The following PIGH variants were observed in gnomAD, a reference collection of about 807,000 sequenced individuals.
The protein encoded by PIGH is phosphatidylinositol glycan anchor biosynthesis class H.
Under a neutral mutation model 20.1 loss-of-function variants are expected in PIGH, and 11 were observed. The ratio of observed to expected loss-of-function variants is 0.55; its 90% CI spans 0.34 to 0.91. PIGH has a LOEUF of 0.91. PIGH is among the 40% of genes least tolerant of loss of function. The probability of loss-of-function intolerance (pLI) is 0.02; values close to 1 mark genes in which losing one functional copy is unlikely to be tolerated. For missense variants in PIGH, 189 were observed against 233.6 expected (o/e 0.81, Z 1.24); for synonymous variants, 72 against 93.1 (o/e 0.77, Z 1.31).
At position 67,589,620 on chromosome 14, in the gene PIGH, C is replaced by G; in HGVS notation, c.*460G>C. On this transcript the variant is annotated 3_prime_UTR_variant, in exon 4 of 4. Coordinates refer to ENST00000216452, the MANE Select transcript of PIGH (RefSeq NM_004569.5). ...ACAGGCACTAGGTTGACAGACTCGT[C>G]TTTTGTAGGACATTTCTTCCTGCTA... 5.1e-6 allele frequency: 5 copies of G among 986,122 alleles called. No individual in the cohort carries two copies. Among genetic ancestry groups the G allele is most frequent in the Non-Finnish European group, 6.0e-6 (5 of 830,316 alleles). The allele number at this position is 986,122 out of a possible 1,614,324, so 61.1% of individuals were successfully genotyped here.
At chr14:67,593,492 A>G (rs77220163) in intron 2 of PIGH, 2 of 41,040 alleles carry the variant, frequency 4.9e-5, no homozygotes, top group African/African-American at 1.8e-3. Context: ...CCCTGTCTCA[A>G]AAAAAAAAAA....
At position 67,589,469 on chromosome 14, in the gene PIGH, CT is replaced by C. The variant is rs2036301212; in HGVS notation, c.*610del. 1.0e-6 allele frequency: 1 copy of C among 985,038 alleles called. No individual in the cohort carries two copies. The highest frequency in any genetic ancestry group is 4.7e-5 in the South Asian group (1 of 21,288). 61.0% of individuals were successfully genotyped at this position (985,038 alleles called of 1,614,324 possible). On this transcript the variant is annotated 3_prime_UTR_variant, in exon 4 of 4. Transcript: ENST00000216452. ...TGAGTAACAGAAAAGTATTAATGTG[CT>C]TGACACCATGACTGAAATACTATGA...
In PIGH at chr14:67,600,045, G is replaced by T. The variant is rs375213721; in HGVS notation, c.159C>A (p.Tyr53Ter). ...AVTCTVWLAAYGLFTLCENSM... is the reference protein window; with the variant it reads ...AVTCTVWLAA ...TTACCTCGCAGAGGGTGAAGAGTCC[G>T]TAGGCCGCCAGCCACACCGTGCAGG... Residue 53 changes from tyrosine (Y) to a stop codon, truncating the protein, a stop_gained, in exon 1 of 4, where the codon TAC (tyrosine) becomes TAA (stop). Transcript: ENST00000216452. LOFTEE classifies it high-confidence loss of function. The T allele has an allele frequency of 5.7e-6, 9 of 1,575,746 alleles. No homozygotes were observed. Among genetic ancestry groups the T allele is most frequent in the Non-Finnish European group, 7.7e-6 (9 of 1,162,520 alleles).
In PIGH at chr14:67,589,904, C is replaced by T. The variant is rs569814301; in HGVS notation, c.*176G>A. The T allele has an allele frequency of 4.4e-5, 56 of 1,269,256 alleles. No individual in the cohort carries two copies. Among genetic ancestry groups the T allele is most frequent in the Non-Finnish European group, 5.2e-5 (52 of 1,007,870 alleles). The allele number at this position is 1,269,256 out of a possible 1,614,324, so 78.6% of individuals were successfully genotyped here. A position where few individuals can be genotyped will look rare whatever the true frequency, so the allele number is the denominator to read the frequency against. ...CTTACAAGGAAAACACTATAATACA[C>T]GGAAATATACTGAGTTAGATTTCCA... On this transcript the variant is annotated 3_prime_UTR_variant, in exon 4 of 4. Transcript: ENST00000216452.
At chr14:67,595,444 A>C (rs893109437) in intron 1 of PIGH, among the ~76,000 whole-genome samples, 1 of 152,234 alleles carries the variant, frequency 6.6e-6, no homozygotes, top group Non-Finnish European at 1.5e-5. Context: ...AACAATTATA[A>C]AGTGCTTAGC....
chr14:67,598,798 C>A (rs2036520418), intron 1 of PIGH, among the ~76,000 whole-genome samples: 1 of 151,792 alleles, frequency 6.6e-6, no homozygotes, highest in Admixed American at 6.6e-5. Flanking sequence ...CTACCTCCAC[C>A]TCCCAGGTTC....
chr14:67,596,614 GCC>G (rs1237819419), intron 1 of PIGH, among the ~76,000 whole-genome samples: 3 of 151,980 alleles, frequency 2.0e-5, no homozygotes, highest in Non-Finnish European at 4.4e-5. Flanking sequence ...AGCTGTCTAG[GCC>G]CTGACCTTGA....
In PIGH at chr14:67,592,730, TAAATC is replaced by T; in HGVS notation, c.391-17_391-13del. The T allele has an allele frequency of 4.7e-6, 7 of 1,485,284 alleles. No homozygotes were observed. The highest frequency in any genetic ancestry group is 5.6e-6 in the Non-Finnish European group (6 of 1,067,296). The allele number at this position is 1,485,284 out of a possible 1,614,324, so 92.0% of individuals were successfully genotyped here. On this transcript the variant is annotated splice_polypyrimidine_tract_variant and intron_variant, in intron 2 of 3. Transcript: ENST00000216452. ...TAAATCACCTTCTGCTGTAAGAAAA[TAAATC>T]AAATAGCAAAGTCTAAGTGAAACTC...
chr14:67,592,730 T>A lies in PIGH; in HGVS notation c.391-12A>T. ...TAAATCACCTTCTGCTGTAAGAAAA[T>A]AAATCAAATAGCAAAGTCTAAGTGA... is the stretch of plus-strand genomic sequence containing the variant. On this transcript the variant is annotated splice_polypyrimidine_tract_variant and intron_variant, in intron 2 of 3. Transcript: ENST00000216452. 6.7e-7 allele frequency: 1 copy of A among 1,485,286 alleles called. No individual in the cohort carries two copies. Among genetic ancestry groups the A allele is most frequent in the Non-Finnish European group, 9.4e-7 (1 of 1,067,298 alleles). 92.0% of individuals were successfully genotyped at this position (1,485,286 alleles called of 1,614,324 possible).
At chr14:67,595,502 G>A (rs886396597) in intron 1 of PIGH, among the ~76,000 whole-genome samples, 9 of 152,178 alleles carry the variant, frequency 5.9e-5, no homozygotes, top group Admixed American at 5.9e-4. Flanking sequence ...CCACCCACCA[G>A]CCCCAATTGA....
At chr14:67,590,742 C>T (rs1266230733) in intron 3 of PIGH, among the ~76,000 whole-genome samples, 1 of 152,174 alleles carries the variant, frequency 6.6e-6, no homozygotes, top group Non-Finnish European at 1.5e-5. Context: ...GTTTAGGCCT[C>T]AGCACACCTT....
chr14:67,591,850 T>C (rs1594806749), intron 3 of PIGH: 2 of 152,150 alleles, frequency 1.3e-5, no homozygotes, highest in East Asian at 3.9e-4. Flanking sequence ...TGTTTTTTTT[T>C]TTTTGTAAGA....
chr14:67,599,703 G>C (rs2036538714), intron 1 of PIGH, among the ~76,000 whole-genome samples: 1 of 152,108 alleles, frequency 6.6e-6, no homozygotes, highest in South Asian at 2.1e-4. Context: ...AAATTACTGC[G>C]CGCCTATACT....
chr14:67,593,806 T>G lies in PIGH; in HGVS notation c.327A>C (p.Glu109Asp), dbSNP rs1290224530. The G allele has an allele frequency of 4.3e-6, 7 of 1,613,682 alleles. No homozygotes were observed. In the East Asian group the frequency reaches 1.6e-4, roughly 36 times the overall value. ...TGCCCATTTCTATGAAGGTAGTGCT[T>G]TCTTTGCCTGAAGCATAAGATGAAG... ...QMTSSYASGK[E>D]STTFIEMGKV... Residue 109 changes from glutamate (E) to aspartate (D), a missense_variant, in exon 2 of 4, where the codon GAA becomes GAC. By Grantham distance (45) the Glu-to-Asp change is conservative. Coordinates refer to ENST00000216452, the MANE Select transcript of PIGH (RefSeq NM_004569.5).
At chr14:67,597,842 G>A (rs1271704669) in intron 1 of PIGH, among the ~76,000 whole-genome samples, 1 of 152,098 alleles carries the variant, frequency 6.6e-6, no homozygotes, top group Non-Finnish European at 1.5e-5. Context: ...AGGGGAAGTG[G>A]TGGTTAGTGA....
chr14:67,589,615 C>T lies in PIGH; in HGVS notation c.*465G>A. On this transcript the variant is annotated 3_prime_UTR_variant, in exon 4 of 4. Transcript: ENST00000216452. ...AGAACACAGGCACTAGGTTGACAGACTCGTCTTTTGTAGGACATTTCTTCC... is the reference window on the plus strand; with the variant it reads ...AGAACACAGGCACTAGGTTGACAGATTCGTCTTTTGTAGGACATTTCTTCC... The T allele has an allele frequency of 1.0e-6, 1 of 986,020 alleles. No homozygotes were observed. 61.1% of individuals were successfully genotyped at this position (986,020 alleles called of 1,614,324 possible).
chr14:67,595,258 T>C (rs759889736), intron 1 of PIGH, among the ~76,000 whole-genome samples: 2 of 152,234 alleles, frequency 1.3e-5, no homozygotes, highest in African/African-American at 2.4e-5. Flanking sequence ...ATTTATTCAA[T>C]GCTATACTTA....
Position 67,600,108 on chromosome 14 carries a change from G to T in PIGH, c.96C>A (p.Ser32Arg). The change falls in exon 1 of 4, where the codon AGC (serine) becomes AGA (arginine). Residue 32 changes from serine to arginine, a missense_variant. Coordinates refer to ENST00000216452, the MANE Select transcript of PIGH (RefSeq NM_004569.5). ...GCGAACGCAGCGAGAGCCGAGGGCA[G>T]CTGAGGCAGAATTCCCGGCAGGACG... is the stretch of plus-strand genomic sequence containing the variant. ...YSPSCREFCL[S>R]CPRLSLRSLT... 2.5e-6 allele frequency: 4 copies of T among 1,597,286 alleles called. No homozygotes were observed. Among genetic ancestry groups the T allele is most frequent in the Non-Finnish European group, 3.4e-6 (4 of 1,172,354 alleles).
chr14:67,596,344 T>C (rs921667119), intron 1 of PIGH, among the ~76,000 whole-genome samples: 2 of 134,666 alleles, frequency 1.5e-5, no homozygotes, highest in Non-Finnish European at 3.1e-5. Flanking sequence ...TTTCACTATG[T>C]TGGCCTGGCT....
Sources: allele counts gnomAD v4.1 joint callset (sites outside exome capture counted in the v4.1 genomes callset), GRCh38; gene constraint gnomAD v4.1.1; transcripts MANE v1.5; gene names NCBI Gene and HGNC (gene_info 2026-07-23, HGNC 2026-07-21).